The following FBXO25 variants were observed in gnomAD, a reference collection of about 807,000 sequenced individuals.
FBXO25 encodes F-box only protein 25.
In FBXO25, 45 loss-of-function variants were observed where a neutral mutation model predicts 51.9. The observed-to-expected ratio is 0.87, with a 90% confidence interval of 0.68 to 1.11. The LOEUF (loss-of-function observed/expected upper bound fraction) is 1.11, where lower values mean the gene tolerates loss of function less well. Ranked by LOEUF, FBXO25 falls within the 50% of genes most tolerant of loss-of-function variation. The pLI is 0.00. For missense variants in FBXO25, 507 were observed against 428.5 expected, an observed-to-expected ratio of 1.18 and a Z score of -1.62; for synonymous variants, 199 against 151.0, an observed-to-expected ratio of 1.32 and a Z score of -2.33.
chr8:467,597 C>G, intron 9 of FBXO25: 2 of 983,902 alleles, frequency 2.0e-6, no homozygotes, highest in Non-Finnish European at 3.2e-6. Context: ...TAGTTATTTT[C>G]GTAAATAATA....
chr8:463,320 A>G (rs961833730), intron 9 of FBXO25, among the ~76,000 whole-genome samples, 170 bp downstream of exon 9: 12 of 152,234 alleles, frequency 7.9e-5, no homozygotes, highest in Non-Finnish European at 1.5e-4. Flanking sequence ...TGTTCATTCA[A>G]TGTGTAGCTT....
At chr8:436,653 C>T (rs1025336925) in intron 5 of FBXO25, among the ~76,000 whole-genome samples, 1 of 152,138 alleles carries the variant, frequency 6.6e-6, no homozygotes, top group African/African-American at 2.4e-5. Context: ...AGCAGGGTGT[C>T]CTCGATAGGT....
At chr8:449,181 A>G (rs552351669) in intron 5 of FBXO25, among the ~76,000 whole-genome samples, 61 of 152,384 alleles carry the variant, frequency 4.0e-4, no homozygotes, top group Middle Eastern at 3.4e-3. Context: ...GTTGAAAATA[A>G]AAGAATGAAA....
intron 2 of FBXO25, 61 bp from the exon 3 acceptor site, chr8:431,280 A>G (rs986864837): frequency 2.0e-5 from 18 of 904,254 alleles, no homozygotes; most frequent in African/African-American, 3.4e-5. Context: ...CTTTTACAAA[A>G]GAAAAGCCAA....
At chr8:448,822 T>A (rs1373298939) in intron 5 of FBXO25, among the ~76,000 whole-genome samples, 1 of 152,222 alleles carries the variant, frequency 6.6e-6, no homozygotes, top group Admixed American at 6.5e-5. Flanking sequence ...ATGGCAGTTT[T>A]ATCACAATGT....
At chr8:467,389 C>G (rs1401215988) in intron 9 of FBXO25, among the ~76,000 whole-genome samples, 1 of 152,212 alleles carries the variant, frequency 6.6e-6, no homozygotes, top group Non-Finnish European at 1.5e-5. Context: ...ATGGAAATAG[C>G]ATCTCTTCTT....
intron 2 of FBXO25, among the ~76,000 whole-genome samples, chr8:420,882 C>T (rs1797111267): frequency 6.6e-6 from 1 of 152,236 alleles, no homozygotes; most frequent in African/African-American, 2.4e-5. Flanking sequence ...TGGAACTGTG[C>T]ACCACAGAAT....
rs934958235 is a variant in FBXO25 at position 472,634 on chromosome 8, T to A, written c.*3830T>A. 6.6e-6 allele frequency: 1 copy of A among 152,246 alleles called. No homozygotes were observed. Among genetic ancestry groups the A allele is most frequent in the Non-Finnish European group, 1.5e-5 (1 of 68,056 alleles). 9.4% of individuals were successfully genotyped at this position (152,246 alleles called of 1,614,324 possible). On this transcript the variant is annotated 3_prime_UTR_variant, in exon 10 of 10. Coordinates refer to ENST00000350302, the MANE Select transcript of FBXO25 (RefSeq NM_183420.2). ...GTGTTTGTGGTGGTTTCTTGTTAAT[T>A]CTTCTTTAAATGTTTGAGAGAACTC...
intron 7 of FBXO25, among the ~76,000 whole-genome samples, chr8:452,147 T>C (rs13340611): frequency 0.03 from 4,575 of 152,328 alleles, 204 homozygotes; most frequent in African/African-American, 0.091. Flanking sequence ...ACCCCAGTTT[T>C]CACATAAAGG....
chr8:436,060 A>G (rs1243456249), intron 5 of FBXO25, among the ~76,000 whole-genome samples: 3 of 152,248 alleles, frequency 2.0e-5, no homozygotes, highest in African/African-American at 7.2e-5. Flanking sequence ...ATGATTTCAC[A>G]AATGTTTTCT....
chr8:443,604 T>A (rs1798560699), intron 5 of FBXO25, among the ~76,000 whole-genome samples: 1 of 150,920 alleles, frequency 6.6e-6, no homozygotes, highest in Non-Finnish European at 1.5e-5. Flanking sequence ...ACTTGTGAGC[T>A]GTAGGAGGGG....
At chr8:428,521 A>G (rs1398816517) in intron 2 of FBXO25, among the ~76,000 whole-genome samples, 1 of 146,516 alleles carries the variant, frequency 6.8e-6, no homozygotes, top group African/African-American at 2.5e-5. Flanking sequence ...CTGTCTCTTT[A>G]TCTTTAATTA....
At chr8:421,339 A>G (rs1408947376) in intron 2 of FBXO25, among the ~76,000 whole-genome samples, 1 of 152,222 alleles carries the variant, frequency 6.6e-6, no homozygotes, top group East Asian at 1.9e-4. Context: ...CAAAACGGTT[A>G]GGGAATGCTG....
chr8:469,894 T>G lies in FBXO25; in HGVS notation c.*1090T>G, dbSNP rs1409685985. The G allele has an allele frequency of 6.6e-6, 1 of 151,772 alleles. No homozygotes were observed. Among genetic ancestry groups the G allele is most frequent in the African/African-American group, 2.4e-5 (1 of 41,404 alleles). The allele number at this position is 151,772 out of a possible 1,614,324, so 9.4% of individuals were successfully genotyped here. A position where few individuals can be genotyped will look rare whatever the true frequency, so the allele number is the denominator to read the frequency against. On this transcript the variant is annotated 3_prime_UTR_variant, in exon 10 of 10. Transcript: ENST00000350302. ...GTTATAAATAGGACTAAAAAAAGAT[T>G]CTGGATTTTTCAGCCCCACTTCTGT... is the stretch of plus-strand genomic sequence containing the variant.
chr8:413,761 G>A (rs1478472950), intron 2 of FBXO25, among the ~76,000 whole-genome samples: 1 of 152,328 alleles, frequency 6.6e-6, no homozygotes, highest in African/African-American at 2.4e-5. Flanking sequence ...CACGACCTGT[G>A]TTTCAGTGGC....
At chr8:411,158 G>A (rs1360527264) in intron 1 of FBXO25, among the ~76,000 whole-genome samples, 5 of 151,970 alleles carry the variant, frequency 3.3e-5, no homozygotes, top group Non-Finnish European at 7.4e-5. Flanking sequence ...AAGTCTGTTC[G>A]GGACGTGAAA....
intron 1 of FBXO25, among the ~76,000 whole-genome samples, chr8:409,910 G>C (rs1307594652): frequency 6.6e-6 from 1 of 152,086 alleles, no homozygotes; most frequent in Admixed American, 6.5e-5. Flanking sequence ...GCTTCTAGTC[G>C]CTTATGTACC....
At chr8:418,547 C>G (rs1047519447) in intron 2 of FBXO25, among the ~76,000 whole-genome samples, 5 of 151,958 alleles carry the variant, frequency 3.3e-5, no homozygotes, top group African/African-American at 1.2e-4. Context: ...ACCATATTGA[C>G]CAGAATGGTC....
rs979905343 is a variant in FBXO25, at chr8:469,031, A to G, written c.*227A>G. 5 of 495,960 alleles carry G rather than the reference A, an allele frequency of 1.0e-5. No homozygotes were observed. Among genetic ancestry groups the G allele is most frequent in the East Asian group, 6.8e-5 (2 of 29,350 alleles). 30.7% of individuals were successfully genotyped at this position (495,960 alleles called of 1,614,324 possible). ...ACTTCTTTAAAAACTCCTTCTAAGC[A>G]TATTAAAATGTGAAATTTTGCGTAC... On this transcript the variant is annotated 3_prime_UTR_variant, in exon 10 of 10. Coordinates refer to ENST00000350302, the MANE Select transcript of FBXO25 (RefSeq NM_183420.2).
Sources: gnomAD v4.1 joint callset for allele counts (sites outside exome capture counted in the v4.1 genomes callset) on GRCh38, gnomAD v4.1.1 for gene constraint, MANE v1.5 for transcripts, NCBI Gene and HGNC (gene_info 2026-07-23, HGNC 2026-07-21) for gene names.